Variants in FGF13 observed in about 807,000 individuals in gnomAD.
FGF13 encodes fibroblast growth factor homologous factor 2.
A neutral mutation model predicts 19.5 loss-of-function variants in FGF13; 2 were observed. The ratio of observed to expected loss-of-function variants is 0.10; its 90% CI spans 0.04 to 0.32. The LOEUF is 0.32. Among genes scored for constraint, FGF13 ranks in the 10% least tolerant of loss-of-function variants. The pLI is 1.00. For synonymous variants in FGF13, 72 were observed against 76.9 expected (o/e 0.94, Z 0.33); for missense variants, 113 against 192.7 (o/e 0.59, Z 2.45).
At chrX:139,057,474 C>A (rs1358262092) in intron 1 of FGF13, among the ~76,000 whole-genome samples, 1 of 111,489 alleles carries the variant, frequency 9.0e-6, no homozygotes, top group East Asian at 2.8e-4. Flanking sequence ...TTGCATATGA[C>A]CCAGAAATTC....
chrX:138,867,912 G>C (rs984979055), intron 1 of FGF13, among the ~76,000 whole-genome samples: 1 of 110,105 alleles, frequency 9.1e-6, no homozygotes, highest in African/African-American at 3.3e-5. Context: ...CTCCCACCAC[G>C]CACAAAAAAT....
chrX:139,188,857 A>G (rs1343989390), intron 1 of FGF13, among the ~76,000 whole-genome samples: 1 of 112,232 alleles, frequency 8.9e-6, no homozygotes, highest in African/African-American at 3.2e-5. Context: ...AGAGTGAGTC[A>G]AATTTCTCTT....
chrX:139,018,444 A>G (rs986975237), intron 1 of FGF13, among the ~76,000 whole-genome samples: 1 of 111,552 alleles, frequency 9.0e-6, no homozygotes, highest in Non-Finnish European at 1.9e-5. Context: ...AGCTGAGGAT[A>G]TTAAGAGGCG....
At position 138,632,916 on chromosome X, in the gene FGF13, G is replaced by C; in HGVS notation, c.672C>G (p.Thr224=). Residue 224 remains threonine (T), a synonymous_variant, in exon 5 of 5, where the codon ACC becomes ACG. Coordinates refer to ENST00000315930, the MANE Select transcript of FGF13 (RefSeq NM_004114.5). ...EFSRSGSGTP[T]KSRSVSGVLN... is the part of the protein sequence containing the mutation. ...GCACGCCAGAGACACTTCTGCTCTTGGTTGGGGTCCCGCTTCCAGATCGGG... is the reference window on the plus strand; with the variant it reads ...GCACGCCAGAGACACTTCTGCTCTTCGTTGGGGTCCCGCTTCCAGATCGGG... 4 of 1,210,835 alleles carry C rather than the reference G, an allele frequency of 3.3e-6. No homozygotes were observed. The highest frequency in any genetic ancestry group is 4.5e-6 in the Non-Finnish European group (4 of 895,064).
At chrX:139,038,217 A>T (rs1243606282) in intron 1 of FGF13, among the ~76,000 whole-genome samples, 1 of 111,007 alleles carries the variant, frequency 9.0e-6, no homozygotes, top group Non-Finnish European at 1.9e-5. Context: ...ACAGGGTGAT[A>T]ATCCACCCCT....
chrX:139,032,742 C>G (rs982267601), intron 1 of FGF13, among the ~76,000 whole-genome samples: 1 of 110,263 alleles, frequency 9.1e-6, no homozygotes, highest in South Asian at 3.9e-4. Flanking sequence ...CTTTCCAGCT[C>G]ACTGCTTCCT....
intron 1 of FGF13, among the ~76,000 whole-genome samples, chrX:139,121,782 C>T (rs2083679037): frequency 1.8e-5 from 2 of 110,699 alleles, no homozygotes; most frequent in Admixed American, 1.9e-4. Context: ...ACTCAAAGGT[C>T]CCTAGAAGCA....
At chrX:139,037,310 C>G (rs919944541) in intron 1 of FGF13, among the ~76,000 whole-genome samples, 1 of 111,154 alleles carries the variant, frequency 9.0e-6, no homozygotes, top group African/African-American at 3.3e-5. Flanking sequence ...TAATTCCTTC[C>G]TCACAGAATT....
intron 1 of FGF13, among the ~76,000 whole-genome samples, chrX:138,938,246 G>A (rs1277965751): frequency 1.8e-5 from 2 of 111,574 alleles, no homozygotes; most frequent in Non-Finnish European, 3.8e-5. Context: ...AAGACTGATT[G>A]GGTGACACAG....
intron 3 of FGF13, among the ~76,000 whole-genome samples, chrX:138,792,153 A>T (rs1309242512): frequency 1.8e-5 from 2 of 112,246 alleles, no homozygotes; most frequent in African/African-American, 6.5e-5. Context: ...TCCATCATGC[A>T]TGGCAGAATG....
chrX:138,841,506 C>A (rs1420348740), intron 3 of FGF13, among the ~76,000 whole-genome samples: 1 of 110,092 alleles, frequency 9.1e-6, no homozygotes, highest in African/African-American at 3.3e-5. Flanking sequence ...CCTATCCAAT[C>A]CTTTTTAAAA....
intron 1 of FGF13, among the ~76,000 whole-genome samples, chrX:138,936,617 A>G (rs2091732291): frequency 8.9e-6 from 1 of 112,169 alleles, no homozygotes; most frequent in Non-Finnish European, 1.9e-5. Context: ...TACCCCAAAC[A>G]TCCATCATAA....
chrX:139,160,036 C>T (rs1424131713), intron 1 of FGF13, among the ~76,000 whole-genome samples: 11 of 111,920 alleles, frequency 9.8e-5, no homozygotes, highest in Non-Finnish European at 3.8e-5. Context: ...ACAGAAGATA[C>T]ATTCTTCTTA....
intron 3 of FGF13, among the ~76,000 whole-genome samples, chrX:138,788,423 C>A (rs2090712168): frequency 8.9e-6 from 1 of 112,204 alleles, no homozygotes; most frequent in African/African-American, 3.2e-5. Context: ...GCCATCTTGC[C>A]CCTGCAACTC....
intron 1 of FGF13, among the ~76,000 whole-genome samples, chrX:139,028,634 AGT>A (rs756959789): frequency 0.033 from 1,376 of 41,412 alleles, 36 homozygotes; most frequent in African/African-American, 0.11. Flanking sequence ...AGAGAGAGAG[AGT>A]GTGTGTGTGT....
At chrX:139,018,051 T>C (rs1287785481) in intron 1 of FGF13, among the ~76,000 whole-genome samples, 4 of 111,852 alleles carry the variant, frequency 3.6e-5, no homozygotes, top group African/African-American at 9.7e-5. Flanking sequence ...AAAATCAAAG[T>C]GCAAGTTGTG....
chrX:138,668,600 G>T (rs1438043930), intron 3 of FGF13, among the ~76,000 whole-genome samples: 1 of 109,584 alleles, frequency 9.1e-6, no homozygotes, highest in Non-Finnish European at 1.9e-5. Flanking sequence ...AAGATGAAAG[G>T]TGTCTGCATA....
intron 1 of FGF13, among the ~76,000 whole-genome samples, chrX:138,903,260 C>A (rs1217815773): frequency 9.0e-6 from 1 of 111,663 alleles, no homozygotes; most frequent in Admixed American, 9.5e-5. Context: ...AAACTATACT[C>A]TATCAGCTGA....
At position 139,180,494 on chromosome X, in the gene FGF13, A is replaced by G. The variant is rs372212988; in HGVS notation, c.-113+22922T>C. Among the ~76,000 whole-genome samples the G allele has an allele frequency of 4.7e-4, 53 of 112,298 alleles. 1 individual carries two copies. In the South Asian group the frequency reaches 0.018, roughly 39 times the overall value. On this transcript the variant is annotated intron_variant, in intron 1 of 2. Transcript: ENST00000421460. ...GTCCTCAAAAATTGAGTTTTCTGAA[A>G]TATTACAAATTATTTTTTTCTTAGT... is the stretch of plus-strand genomic sequence containing the variant.
Sources: gnomAD v4.1 joint callset for allele counts (sites outside exome capture counted in the v4.1 genomes callset) on GRCh38, gnomAD v4.1.1 for gene constraint, MANE v1.5 for transcripts, NCBI Gene and HGNC (gene_info 2026-07-23, HGNC 2026-07-21) for gene names.